Variants in GNAO1 observed in about 807,000 individuals in gnomAD.
GNAO1 encodes the protein G protein subunit alpha o1.
For synonymous variants in GNAO1, 164 were observed against 180.7 expected (o/e 0.91, Z 0.74); for missense variants, 166 against 478.7 (o/e 0.35, Z 6.10).
chr16:56,255,092 AT>A (rs1201926691), intron 2 of GNAO1, among the ~76,000 whole-genome samples: 2 of 152,096 alleles, frequency 1.3e-5, no homozygotes, highest in African/African-American at 4.8e-5. Flanking sequence ...AACATTTAAT[AT>A]TTTTAGCTTT....
chr16:56,244,274 C>G (rs1458128654), intron 2 of GNAO1, among the ~76,000 whole-genome samples: 2 of 152,052 alleles, frequency 1.3e-5, no homozygotes, highest in Non-Finnish European at 2.9e-5. Flanking sequence ...CAGTTTCTTC[C>G]TCTTTTAAAC....
intron 2 of GNAO1, among the ~76,000 whole-genome samples, chr16:56,219,605 A>G (rs1317807576): frequency 6.6e-6 from 1 of 152,306 alleles, no homozygotes; most frequent in African/African-American, 2.4e-5. Flanking sequence ...AAAGAGACTA[A>G]TGCACAGAGT....
intron 2 of GNAO1, among the ~76,000 whole-genome samples, chr16:56,208,407 A>G (rs1391383134): frequency 6.6e-6 from 1 of 150,612 alleles, no homozygotes; most frequent in Non-Finnish European, 1.5e-5. Context: ...GTTATAAAAG[A>G]TGCTGCTATC....
At chr16:56,212,090 C>A (rs1381593040) in intron 2 of GNAO1, among the ~76,000 whole-genome samples, 1 of 149,724 alleles carries the variant, frequency 6.7e-6, no homozygotes, top group East Asian at 1.9e-4. Flanking sequence ...CTGAGAAAAA[C>A]CAGGAAGTCC....
intron 6 of GNAO1, among the ~76,000 whole-genome samples, chr16:56,350,533 G>T (rs569184287): frequency 1.3e-5 from 2 of 152,326 alleles, no homozygotes; most frequent in East Asian, 3.9e-4. Flanking sequence ...TCTGTGGGGC[G>T]CCCATCACGT....
intron 3 of GNAO1, among the ~76,000 whole-genome samples, chr16:56,300,036 T>TGTGTGTGTGC (rs753591618): frequency 2.1e-4 from 20 of 95,112 alleles, no homozygotes; most frequent in African/African-American, 9.0e-4. Context: ...TGTGTGTGTG[T>TGTGTGTGTGC]GCGCGCGCGC....
At chr16:56,230,672 A>G (rs2036581656) in intron 2 of GNAO1, among the ~76,000 whole-genome samples, 1 of 151,964 alleles carries the variant, frequency 6.6e-6, no homozygotes, top group East Asian at 1.9e-4. Flanking sequence ...TTCATGTTTC[A>G]GTGACTGGGT....
At chr16:56,349,160 G>A (rs1331584786) in intron 6 of GNAO1, among the ~76,000 whole-genome samples, 3 of 152,132 alleles carry the variant, frequency 2.0e-5, no homozygotes, top group Non-Finnish European at 2.9e-5. Flanking sequence ...TAAATGAGCC[G>A]GACTTGATTT....
intron 2 of GNAO1, among the ~76,000 whole-genome samples, chr16:56,244,715 G>A (rs1258849818): frequency 6.6e-6 from 1 of 152,100 alleles, no homozygotes; most frequent in South Asian, 2.1e-4. Context: ...CACACCCAGG[G>A]TTCCCTGTGG....
intron 2 of GNAO1, among the ~76,000 whole-genome samples, chr16:56,197,594 G>T (rs1225768614): frequency 6.6e-6 from 1 of 152,200 alleles, no homozygotes; most frequent in Non-Finnish European, 1.5e-5. Context: ...TGTTGAAAAG[G>T]GTTGTTGCCA....
At chr16:56,337,006 A>G (rs1363316316) in intron 6 of GNAO1, 146 bp downstream of exon 6, 1 of 783,978 alleles carries the variant, frequency 1.3e-6, no homozygotes, top group African/African-American at 1.7e-5. Context: ...CATCATGGAC[A>G]GGCCGTGCCG....
chr16:56,320,651 C>T (rs2037561778), intron 3 of GNAO1, among the ~76,000 whole-genome samples: 1 of 152,136 alleles, frequency 6.6e-6, no homozygotes, highest in Admixed American at 6.6e-5. Flanking sequence ...TGTTGGATTC[C>T]ATGGTGGGTT....
At chr16:56,214,918 G>A (rs2036424956) in intron 2 of GNAO1, among the ~76,000 whole-genome samples, 1 of 152,216 alleles carries the variant, frequency 6.6e-6, no homozygotes, top group African/African-American at 2.4e-5. Context: ...CTGCCTTCTA[G>A]AAATGCTGTT....
At chr16:56,249,424 C>T (rs2036779407) in intron 2 of GNAO1, among the ~76,000 whole-genome samples, 1 of 152,136 alleles carries the variant, frequency 6.6e-6, no homozygotes, top group African/African-American at 2.4e-5. Flanking sequence ...AACCATCGCA[C>T]TTTCCTGGCA....
rs139590094 is a variant in GNAO1, at chr16:56,271,515, G to A, written c.162-4416G>A. ...GTCGCCCAGGCTGGAGTGCAGTGGC[G>A]TGATCTTGGTTCACTGCCACGTCCT... On this transcript the variant is annotated intron_variant, in intron 2 of 8. Coordinates refer to ENST00000262493, the MANE Select transcript of GNAO1 (RefSeq NM_020988.3). Among the ~76,000 whole-genome samples the A allele has an allele frequency of 8.2e-3, 1,247 of 152,242 alleles. 17 individuals are homozygous for A. Among genetic ancestry groups the A allele is most frequent in the African/African-American group, 0.029 (1,201 of 41,542 alleles).
At chr16:56,238,714 A>G (rs1290033707) in intron 2 of GNAO1, among the ~76,000 whole-genome samples, 3 of 152,262 alleles carry the variant, frequency 2.0e-5, no homozygotes, top group African/African-American at 7.2e-5. Flanking sequence ...CCACACACGC[A>G]TTTTTTAAAG....
At chr16:56,279,270 C>T (rs892992729) in intron 3 of GNAO1, among the ~76,000 whole-genome samples, 2 of 152,190 alleles carry the variant, frequency 1.3e-5, no homozygotes, top group South Asian at 4.1e-4. Flanking sequence ...TGTCTGTTTC[C>T]CCCAGAGGAA....
At position 56,311,494 on chromosome 16, in the gene GNAO1, G is replaced by T. The variant is rs1457418390; in HGVS notation, c.304-17137G>T. 6.6e-6 allele frequency among the ~76,000 whole-genome samples: 1 copy of T among 152,174 alleles called. No individual in the cohort carries two copies. The highest frequency in any genetic ancestry group is 1.5e-5 in the Non-Finnish European group (1 of 68,020). On this transcript the variant is annotated intron_variant, in intron 3 of 8. Transcript: ENST00000262493. The surrounding 1 kb of genome is among the most constrained non-coding windows in gnomAD (Gnocchi z 5.2). ...GTCAGGGAAGATGAGGATGGCAGGGGCTAAGTAGAGGCCATGCACCCTGAT... is the reference window on the plus strand; with the variant it reads ...GTCAGGGAAGATGAGGATGGCAGGGTCTAAGTAGAGGCCATGCACCCTGAT...
At chr16:56,338,546 T>G (rs767660650) in intron 6 of GNAO1, among the ~76,000 whole-genome samples, 1 of 152,322 alleles carries the variant, frequency 6.6e-6, no homozygotes, top group Non-Finnish European at 1.5e-5. Flanking sequence ...TGGCTCATCT[T>G]TTTTCCCCCA....
Sources: allele counts gnomAD v4.1 joint callset (sites outside exome capture counted in the v4.1 genomes callset), GRCh38; gene constraint gnomAD v4.1.1; non-coding constraint Gnocchi (gnomAD v3.1); transcripts MANE v1.5; gene names NCBI Gene and HGNC (gene_info 2026-07-23, HGNC 2026-07-21).